The following TOP6BL variants were observed in gnomAD, a reference collection of about 807,000 sequenced individuals.
TOP6BL encodes type 2 DNA topoisomerase 6 subunit B-like.
chr11:66,816,214 ATGGGGTTGCCAGC>A, the TOP6BL span: 7 of 1,600,458 alleles, frequency 4.4e-6, no homozygotes, highest in Middle Eastern at 1.7e-4. Flanking sequence ...GTATAAGAGA[ATGGGGTTGCCAGC>A]TGGGGTGTGC....
the TOP6BL span, among the ~76,000 whole-genome samples, chr11:66,773,538 T>C: frequency 3.9e-5 from 6 of 152,270 alleles, no homozygotes; most frequent in Admixed American, 6.5e-5. Context: ...ATCTTCTCTT[T>C]TATTTTCCTT....
the TOP6BL span, among the ~76,000 whole-genome samples, chr11:66,821,286 ATTTTTT>A: frequency 2.8e-5 from 3 of 106,342 alleles, no homozygotes; most frequent in Non-Finnish European, 4.0e-5. Context: ...ACATCTGGTA[ATTTTTT>A]TTTTTTTTTT....
chr11:66,774,840 A>G, the TOP6BL span, among the ~76,000 whole-genome samples: 3 of 148,054 alleles, frequency 2.0e-5, no homozygotes, highest in African/African-American at 7.4e-5. Context: ...CAGGCTGGAC[A>G]TGGTGGCTCA....
chr11:66,841,004 T>C, the TOP6BL span, among the ~76,000 whole-genome samples: 1 of 152,082 alleles, frequency 6.6e-6, no homozygotes, highest in African/African-American at 2.4e-5. Flanking sequence ...GGAGGTCCCA[T>C]TGGTACCTCA....
chr11:66,799,984 G>A, the TOP6BL span, among the ~76,000 whole-genome samples: 1 of 151,820 alleles, frequency 6.6e-6, no homozygotes, highest in East Asian at 1.9e-4. Context: ...AGGAGGCTGG[G>A]GTGGGAGGAT....
At chr11:66,752,275 C>G in the TOP6BL span, among the ~76,000 whole-genome samples, 5 of 151,898 alleles carry the variant, frequency 3.3e-5, no homozygotes, top group South Asian at 8.3e-4. Flanking sequence ...CCACGTATAC[C>G]TAATTGATAG....
the TOP6BL span, among the ~76,000 whole-genome samples, chr11:66,754,082 GA>G: frequency 6.6e-6 from 1 of 152,214 alleles, no homozygotes; most frequent in Non-Finnish European, 1.5e-5. Flanking sequence ...ATGTGTTCAG[GA>G]AGAAGGAGAA....
the TOP6BL span, among the ~76,000 whole-genome samples, chr11:66,827,617 TTATA>T: frequency 6.6e-6 from 1 of 151,768 alleles, no homozygotes; most frequent in African/African-American, 2.4e-5. Context: ...GAAGAGCAGT[TTATA>T]TAACCCCTTC....
chr11:66,757,253 G>A, the TOP6BL span, among the ~76,000 whole-genome samples: 1 of 152,086 alleles, frequency 6.6e-6, no homozygotes, highest in African/African-American at 2.4e-5. Flanking sequence ...TGAGGCAGGA[G>A]AATTGCATGA....
chr11:66,765,999 A>G, the TOP6BL span, among the ~76,000 whole-genome samples: 1 of 152,314 alleles, frequency 6.6e-6, no homozygotes, highest in African/African-American at 2.4e-5. Flanking sequence ...AAATTGGTCC[A>G]TTTACTGATC....
chr11:66,798,897 C>A, the TOP6BL span, among the ~76,000 whole-genome samples: 1 of 151,480 alleles, frequency 6.6e-6, no homozygotes, highest in Admixed American at 6.6e-5. Flanking sequence ...CATAGTGAAA[C>A]CTTGTCTCTA....
the TOP6BL span, among the ~76,000 whole-genome samples, chr11:66,820,955 G>A: frequency 1.3e-5 from 2 of 152,074 alleles, no homozygotes; most frequent in Non-Finnish European, 1.5e-5. Context: ...GATATGTAGG[G>A]GTCTCTTCTT....
the TOP6BL span, among the ~76,000 whole-genome samples, chr11:66,827,563 A>C: frequency 2.0e-5 from 3 of 151,922 alleles, no homozygotes; most frequent in Non-Finnish European, 4.4e-5. Flanking sequence ...TATCAGCCTC[A>C]GTTATGCAGT....
chr11:66,767,317 TA>T, the TOP6BL span, among the ~76,000 whole-genome samples: 1 of 152,224 alleles, frequency 6.6e-6, no homozygotes, highest in African/African-American at 2.4e-5. Flanking sequence ...TCCATTTATA[TA>T]GAACTATTTC....
At chr11:66,752,778 C>T in the TOP6BL span, among the ~76,000 whole-genome samples, 1 of 152,120 alleles carries the variant, frequency 6.6e-6, no homozygotes, top group South Asian at 2.1e-4. Context: ...AGAATCTTCT[C>T]TTTATCCTTG....
the TOP6BL span, among the ~76,000 whole-genome samples, chr11:66,746,983 C>CTGGA: frequency 6.6e-6 from 1 of 151,684 alleles, no homozygotes; most frequent in African/African-American, 2.4e-5. Flanking sequence ...GTTGCCCAGG[C>CTGGA]TGGAGCGCAG....
chr11:66,796,195 C>CT, the TOP6BL span: 1 of 1,041,650 alleles, frequency 9.6e-7, no homozygotes, highest in Non-Finnish European at 1.4e-6. Flanking sequence ...GGTATAGTTA[C>CT]TTTTAGAAGA....
chr11:66,826,008 A>AT, the TOP6BL span, among the ~76,000 whole-genome samples: 24 of 151,494 alleles, frequency 1.6e-4, no homozygotes, highest in Admixed American at 7.9e-4. Context: ...CGCCCAGCTA[A>AT]TTTTTTTTGT....
chr11:66,784,994 C>T, the TOP6BL span, among the ~76,000 whole-genome samples: 502 of 121,780 alleles, frequency 4.1e-3, 2 homozygotes, highest in African/African-American at 0.015. Context: ...CTCGCTCTAT[C>T]GCCCAGGCTG....
Sources: allele counts gnomAD v4.1 joint callset (sites outside exome capture counted in the v4.1 genomes callset), GRCh38; gene constraint gnomAD v4.1.1; transcripts MANE v1.5; gene names NCBI Gene and HGNC (gene_info 2026-07-23, HGNC 2026-07-21).